RNF130: variants seen among roughly 807,000 people sequenced by gnomAD.
The protein encoded by RNF130 is ring finger protein 130.
Under a neutral mutation model 44.6 loss-of-function variants are expected in RNF130, and 21 were observed. The observed-to-expected ratio is 0.47, with a 90% CI of 0.33 to 0.68. RNF130 has a LOEUF of 0.68. RNF130 is among the 30% of genes least tolerant of loss of function. RNF130 has a pLI of 0.02. For synonymous variants in RNF130, 214 were observed against 210.4 expected (o/e 1.02, Z -0.15); for missense variants, 479 against 560.6 (o/e 0.85, Z 1.47).
At chr5:180,021,171 T>C (rs529642775) in intron 2 of RNF130, among the ~76,000 whole-genome samples, 2 of 152,224 alleles carry the variant, frequency 1.3e-5, no homozygotes, top group South Asian at 4.2e-4. Context: ...ATTCACCATG[T>C]TGGCCAAAAT....
intron 3 of RNF130, among the ~76,000 whole-genome samples, chr5:180,008,381 A>G (rs1415407695): frequency 6.6e-6 from 1 of 152,156 alleles, no homozygotes; most frequent in Non-Finnish European, 1.5e-5. Context: ...CTCCTCAGGA[A>G]GAAAAGCTGT....
At position 180,051,929 on chromosome 5, in the gene RNF130, T is replaced by C. The variant is rs566623615; in HGVS notation, c.248-11282A>G. On this transcript the variant is annotated intron_variant, in intron 1 of 8. Transcript: ENST00000521389. Reference sequence around the variant, plus strand: ...ATCTAAATAACTGAAAATTAGAGCTTGGTCCTCATACAAAGTTGGTGTCAC... The same window carrying C: ...ATCTAAATAACTGAAAATTAGAGCTCGGTCCTCATACAAAGTTGGTGTCAC... Among the ~76,000 whole-genome samples, 13 of 152,344 alleles carry C rather than the reference T, an allele frequency of 8.5e-5. No individual in the cohort carries two copies. The South Asian group carries it at 2.7e-3, about 32-fold the overall frequency.
chr5:179,935,614 A>C (rs1761878825), intron 7 of RNF130, among the ~76,000 whole-genome samples: 1 of 152,094 alleles, frequency 6.6e-6, no homozygotes, highest in East Asian at 1.9e-4. Flanking sequence ...ATCCATAATT[A>C]CATTACTCAT....
intron 5 of RNF130, among the ~76,000 whole-genome samples, chr5:179,974,905 C>T (rs552918534): frequency 2.6e-5 from 4 of 152,356 alleles, no homozygotes; most frequent in South Asian, 2.1e-4. Context: ...CGGGTCAGCA[C>T]GCTGAGGGAA....
At chr5:179,931,238 A>G (rs1165285390) in intron 7 of RNF130, among the ~76,000 whole-genome samples, 1 of 152,120 alleles carries the variant, frequency 6.6e-6, no homozygotes, top group Non-Finnish European at 1.5e-5. Context: ...ATGGCGATAC[A>G]GTGTGGGGTG....
At chr5:179,983,978 G>A (rs886311207) in intron 3 of RNF130, among the ~76,000 whole-genome samples, 7 of 152,030 alleles carry the variant, frequency 4.6e-5, no homozygotes, top group Admixed American at 3.9e-4. Flanking sequence ...CAAACTCCTG[G>A]GTTCAAATAA....
intron 7 of RNF130, among the ~76,000 whole-genome samples, chr5:179,931,995 G>A (rs1761814807): frequency 1.3e-5 from 2 of 152,148 alleles, no homozygotes; most frequent in African/African-American, 2.4e-5. Flanking sequence ...GGGGTCTGCT[G>A]TGTAGTAAAT....
exon 8 of RNF130, chr5:179,917,371 G>A (rs892060225): frequency 6.6e-6 from 1 of 152,398 alleles, no homozygotes; most frequent in African/African-American, 2.4e-5. Flanking sequence ...GGGGGTGGAT[G>A]TGTGGTGTAA....
intron 2 of RNF130, among the ~76,000 whole-genome samples, chr5:180,031,679 T>A (rs1274757994): frequency 6.6e-6 from 1 of 152,238 alleles, no homozygotes; most frequent in Non-Finnish European, 1.5e-5. Context: ...GTCTCTACTT[T>A]TCTGGCCATA....
In RNF130 at chr5:180,031,917, A is replaced by G. The variant is rs922182582; in HGVS notation, c.442+8536T>C. 2.0e-5 allele frequency among the ~76,000 whole-genome samples: 3 copies of G among 152,256 alleles called. No homozygotes were observed. In the South Asian group the frequency reaches 6.2e-4, roughly 31 times the overall value. On this transcript the variant is annotated intron_variant, in intron 2 of 8. Coordinates refer to ENST00000521389, the MANE Select transcript of RNF130 (RefSeq NM_018434.6). ...ATCCACATCCTCAACAAAACTTGGT[A>G]CTGTATGACTTTTTAATTATGATCA...
At chr5:179,940,333 G>A (rs1477959103) in intron 7 of RNF130, among the ~76,000 whole-genome samples, 1 of 151,462 alleles carries the variant, frequency 6.6e-6, no homozygotes, top group Admixed American at 6.6e-5. Context: ...CGGTTCTCCT[G>A]CCTCAGCATC....
Position 179,965,976 on chromosome 5 carries a change from C to G in RNF130, c.1150+830G>C, listed in dbSNP as rs571427134. 7.9e-5 allele frequency among the ~76,000 whole-genome samples: 12 copies of G among 152,274 alleles called. No homozygotes were observed. The East Asian group carries it at 2.1e-3, about 27-fold the overall frequency. On this transcript the variant is annotated intron_variant, in intron 7 of 8. Transcript: ENST00000521389. ...AGGGCGTGACGTGCTAGGCAAGCAGCAGCAGGTGCTGGGAAAGGCAACAGC... is the reference window on the plus strand; with the variant it reads ...AGGGCGTGACGTGCTAGGCAAGCAGGAGCAGGTGCTGGGAAAGGCAACAGC...
intron 7 of RNF130, among the ~76,000 whole-genome samples, chr5:179,929,925 T>A (rs1761780901): frequency 6.6e-6 from 1 of 152,206 alleles, no homozygotes; most frequent in South Asian, 2.1e-4. Flanking sequence ...ATCTTTAATT[T>A]CTCTCGATAA....
intron 3 of RNF130, among the ~76,000 whole-genome samples, chr5:179,985,853 C>A (rs1762940828): frequency 6.6e-6 from 1 of 152,178 alleles, no homozygotes; most frequent in Non-Finnish European, 1.5e-5. Context: ...AGGGCACTTT[C>A]ATCAATATTA....
intron 2 of RNF130, among the ~76,000 whole-genome samples, chr5:180,015,101 T>G (rs1582189886): frequency 6.6e-6 from 1 of 152,222 alleles, no homozygotes; most frequent in African/African-American, 2.4e-5. Context: ...AGAACAGCAG[T>G]TTACCAGAAT....
rs1053571040 is a variant in RNF130 at position 179,974,906 on chromosome 5, G to A, written c.848+3297C>T. Among the ~76,000 whole-genome samples, 26 of 152,356 alleles carry A rather than the reference G, an allele frequency of 1.7e-4. No homozygotes were observed. The South Asian group carries it at 2.1e-3, about 12-fold the overall frequency. ...CCGGCCTGCGCACCCGGGTCAGCAC[G>A]CTGAGGGAATTAAACCCATTGCTTC... On this transcript the variant is annotated intron_variant, in intron 5 of 8. Coordinates refer to ENST00000521389, the MANE Select transcript of RNF130 (RefSeq NM_018434.6).
intron 3 of RNF130, among the ~76,000 whole-genome samples, chr5:179,986,826 T>G (rs1762964304): frequency 6.6e-6 from 1 of 152,212 alleles, no homozygotes. Context: ...ATTTCTCCAT[T>G]TTTCTGTGAT....
In RNF130 at chr5:180,071,672, G is replaced by A. The variant is rs775854570; in HGVS notation, c.31C>T (p.Arg11Trp). 1.5e-5 allele frequency: 22 copies of A among 1,420,206 alleles called. No homozygotes were observed. Among genetic ancestry groups the A allele is most frequent in the Non-Finnish European group, 9.2e-6 (10 of 1,083,322 alleles). The allele number at this position is 1,420,206 out of a possible 1,614,324, so 88.0% of individuals were successfully genotyped here. A position where few individuals can be genotyped will look rare whatever the true frequency, so the allele number is the denominator to read the frequency against. ...GTCAGCAGGGCGAGCGCGGCGAGCCGGGCAGGGCCCGCCCGCCCCGCGCAG... is the reference window on the plus strand; with the variant it reads ...GTCAGCAGGGCGAGCGCGGCGAGCCAGGCAGGGCCCGCCCGCCCCGCGCAG... MSCAGRAGPARLAALALLTCS... is the reference protein window; with the variant it reads MSCAGRAGPAWLAALALLTCS... Residue 11 changes from arginine to tryptophan, a missense_variant, in exon 1 of 9, where the codon CGG becomes TGG. Transcript: ENST00000521389.
chr5:180,057,138 C>T (rs1442617526), intron 1 of RNF130, among the ~76,000 whole-genome samples: 3 of 152,216 alleles, frequency 2.0e-5, no homozygotes, highest in Non-Finnish European at 4.4e-5. Context: ...CCAGAGGAAC[C>T]AATCATGTAA....
Sources: gnomAD v4.1 joint callset for allele counts (sites outside exome capture counted in the v4.1 genomes callset) on GRCh38, gnomAD v4.1.1 for gene constraint, MANE v1.5 for transcripts, NCBI Gene and HGNC (gene_info 2026-07-23, HGNC 2026-07-21) for gene names.